The following PALM2AKAP2 variants were observed in gnomAD, a reference collection of about 807,000 sequenced individuals.
PALM2AKAP2 encodes PALM2-AKAP2 fusion protein.
In PALM2AKAP2, 37 loss-of-function variants were observed where a neutral mutation model predicts 71.5. The observed-to-expected ratio is 0.52, with a 90% CI of 0.40 to 0.68. The LOEUF is 0.68. PALM2AKAP2 is among the 30% of genes least tolerant of loss of function. The probability of loss-of-function intolerance (pLI) is 0.00; values close to 1 mark genes in which losing one functional copy is unlikely to be tolerated. For synonymous variants in PALM2AKAP2, 468 were observed against 478.8 expected, an observed-to-expected ratio of 0.98 and a Z score of 0.29; for missense variants, 1,224 against 1,191.8, an observed-to-expected ratio of 1.03 and a Z score of -0.40.
chr9:109,842,015 C>T (rs1828709315), intron 1 of PALM2AKAP2, among the ~76,000 whole-genome samples: 1 of 151,442 alleles, frequency 6.6e-6, no homozygotes, highest in South Asian at 2.1e-4. Context: ...AAAAAGAGGC[C>T]TGGAGCTGGT....
intron 1 of PALM2AKAP2, among the ~76,000 whole-genome samples, chr9:109,673,320 A>C (rs2118496375): frequency 6.6e-6 from 1 of 152,052 alleles, no homozygotes; most frequent in South Asian, 2.1e-4. Flanking sequence ...TGTTCCCGTT[A>C]GTTTCAGAGA....
intron 1 of PALM2AKAP2, among the ~76,000 whole-genome samples, chr9:109,730,836 A>G (rs1828546663): frequency 6.6e-6 from 1 of 152,324 alleles, no homozygotes; most frequent in South Asian, 2.1e-4. Flanking sequence ...TCCCTACTCA[A>G]GCAAGGGTGG....
intron 2 of PALM2AKAP2, among the ~76,000 whole-genome samples, chr9:109,872,313 C>G (rs1369575787): frequency 6.6e-6 from 1 of 151,976 alleles, no homozygotes; most frequent in Non-Finnish European, 1.5e-5. Flanking sequence ...CTATATCATA[C>G]TAGAGCAGAA....
At chr9:110,039,763 C>G (rs1465501920) in intron 7 of PALM2AKAP2, among the ~76,000 whole-genome samples, 2 of 152,200 alleles carry the variant, frequency 1.3e-5, no homozygotes, top group African/African-American at 4.8e-5. Context: ...CCTATCTCAT[C>G]TCAACCACTC....
chr9:109,828,752 A>G (rs1311813438), intron 1 of PALM2AKAP2, among the ~76,000 whole-genome samples: 2 of 152,278 alleles, frequency 1.3e-5, no homozygotes, highest in Non-Finnish European at 2.9e-5. Context: ...ATGTTGTGAC[A>G]CTGACATGAA....
intron 1 of PALM2AKAP2, among the ~76,000 whole-genome samples, chr9:110,103,653 T>C (rs1355329426): frequency 6.6e-6 from 1 of 152,230 alleles, no homozygotes; most frequent in African/African-American, 2.4e-5. Context: ...ACAAATCTTC[T>C]TTGCAGTTTT....
rs774111389 is a variant in PALM2AKAP2 at position 109,780,514 on chromosome 9, A to C, written c.26A>C (p.Glu9Ala). The change falls in exon 1 of 10, where the codon GAA (glutamate) becomes GCA (alanine). Residue 9 changes from glutamate to alanine, a missense_variant. Physicochemically the swap from Glu to Ala is moderately radical, Grantham distance 107. Coordinates refer to the PALM2AKAP2 transcript ENST00000302798. ...ATGGCAGAGGCGGAATTGCACAAGG[A>C]AAGGCTGCAAGCCATAGCAGTAAGT... The C allele has an allele frequency of 2.5e-6, 4 of 1,613,528 alleles. No homozygotes were observed. In the African/African-American group the frequency reaches 5.3e-5, roughly 22 times the overall value.
chr9:109,773,378 C>T (rs752342031), intron 1 of PALM2AKAP2, among the ~76,000 whole-genome samples: 3 of 152,106 alleles, frequency 2.0e-5, no homozygotes, highest in Non-Finnish European at 4.4e-5. Flanking sequence ...CTCAAGCTAT[C>T]CTCCCACTTC....
At chr9:109,782,789 A>T (rs1014530051) in intron 1 of PALM2AKAP2, among the ~76,000 whole-genome samples, 9 of 148,460 alleles carry the variant, frequency 6.1e-5, no homozygotes, top group African/African-American at 1.0e-4. Flanking sequence ...TGTGTGTGTG[A>T]GAGAGAGAGC....
chr9:110,104,479 C>G (rs1835070558), intron 1 of PALM2AKAP2, among the ~76,000 whole-genome samples: 1 of 152,172 alleles, frequency 6.6e-6, no homozygotes, highest in East Asian at 1.9e-4. Flanking sequence ...CATTAGCACC[C>G]TGGAGACCTC....
upstream of PALM2AKAP2, among the ~76,000 whole-genome samples, chr9:109,777,805 C>T (rs1215341795): frequency 6.6e-6 from 1 of 152,158 alleles, no homozygotes; most frequent in African/African-American, 2.4e-5. Context: ...CCTTCTACTT[C>T]TCGGATGATA....
intron 4 of PALM2AKAP2, among the ~76,000 whole-genome samples, chr9:109,924,611 A>G (rs909342840): frequency 3.3e-5 from 5 of 152,138 alleles, no homozygotes; most frequent in Non-Finnish European, 7.4e-5. Context: ...AAAAAACAAA[A>G]ACAAAAAACA....
chr9:109,977,302 A>G (rs1832189553), intron 6 of PALM2AKAP2, among the ~76,000 whole-genome samples: 1 of 152,188 alleles, frequency 6.6e-6, no homozygotes, highest in African/African-American at 2.4e-5. Flanking sequence ...AGAAACATTC[A>G]ACCTCCCTTC....
At chr9:110,148,743 G>A (rs1192152126) in intron 2 of PALM2AKAP2, 3 of 152,176 alleles carry the variant, frequency 2.0e-5, no homozygotes, top group Admixed American at 6.5e-5. Context: ...TTTTAAATAC[G>A]AGTGGGTGAA....
At chr9:110,078,235 G>A (rs1318510617) in intron 1 of PALM2AKAP2, among the ~76,000 whole-genome samples, 1 of 152,006 alleles carries the variant, frequency 6.6e-6, no homozygotes, top group Non-Finnish European at 1.5e-5. Context: ...ATTTAGACAG[G>A]GTGTATTCTG....
In PALM2AKAP2 at chr9:110,006,320, C is replaced by CTATCTTTCTTTCTTTCTTTCTTT. The variant is rs1238150373; in HGVS notation, c.497-9634_497-9633insTATCTTTCTTTCTTTCTTTCTTT. Reference sequence around the variant, plus strand: ...TTCCTTTCCCTCCCTTTCCTTCCTTCCTTCTCTTTCTTTCTTTCTTTCTTT... The same window carrying CTATCTTTCTTTCTTTCTTTCTTT: ...TTCCTTTCCCTCCCTTTCCTTCCTTCTATCTTTCTTTCTTTCTTTCTTTCTTCTCTTTCTTTCTTTCTTTCTTT... On this transcript the variant is annotated intron_variant, in intron 6 of 9. Coordinates refer to the PALM2AKAP2 transcript ENST00000302798. 1.7e-3 allele frequency among the ~76,000 whole-genome samples: 138 copies of CTATCTTTCTTTCTTTCTTTCTTT among 82,632 alleles called. 1 individual carries two copies. Among genetic ancestry groups the CTATCTTTCTTTCTTTCTTTCTTT allele is most frequent in the African/African-American group, 6.0e-3 (133 of 22,282 alleles). 54.2% of individuals were successfully genotyped at this position (82,632 alleles called of 152,430 possible).
intron 1 of PALM2AKAP2, among the ~76,000 whole-genome samples, chr9:109,825,958 C>T (rs1828137527): frequency 6.6e-6 from 1 of 152,144 alleles, no homozygotes; most frequent in Admixed American, 6.5e-5. Flanking sequence ...AGACTTGGAA[C>T]CAACCCAAAT....
intron 1 of PALM2AKAP2, among the ~76,000 whole-genome samples, chr9:109,863,435 G>A (rs1014308177): frequency 3.3e-5 from 5 of 152,172 alleles, no homozygotes; most frequent in African/African-American, 1.2e-4. Context: ...GTAGAGGGTG[G>A]GGGATTGCTT....
At chr9:110,170,744 T>C (rs548619826) in exon 4 of PALM2AKAP2, 2 of 152,250 alleles carry the variant, frequency 1.3e-5, no homozygotes, top group South Asian at 2.1e-4. Context: ...GAAAATGAGA[T>C]CCGTGTTAGA....
Sources: gnomAD v4.1 joint callset for allele counts (sites outside exome capture counted in the v4.1 genomes callset) on GRCh38, gnomAD v4.1.1 for gene constraint, MANE v1.5 for transcripts, NCBI Gene and HGNC (gene_info 2026-07-23, HGNC 2026-07-21) for gene names.